UMOD: variants seen among roughly 807,000 people sequenced by gnomAD.
The protein encoded by UMOD is Tamm-Horsfall urinary glycoprotein.
A neutral mutation model predicts 66.0 loss-of-function variants in UMOD; 64 were observed. The ratio of observed to expected loss-of-function variants is 0.97; its 90% CI spans 0.79 to 1.19. UMOD has a LOEUF of 1.19. Ranked by LOEUF, UMOD falls within the 50% of genes most tolerant of loss-of-function variation. UMOD has a pLI of 0.00. For missense variants in UMOD, 764 were observed against 850.9 expected (o/e 0.90, Z 1.27); for synonymous variants, 398 against 352.7 (o/e 1.13, Z -1.44).
At chr16:20,342,989 G>T (rs1163512769) in intron 6 of UMOD, among the ~76,000 whole-genome samples, 1 of 152,130 alleles carries the variant, frequency 6.6e-6, no homozygotes, top group African/African-American at 2.4e-5. Context: ...ACTTAGCTGG[G>T]TGTGGTGGTG....
chr16:20,335,402 G>T, intron 10 of UMOD, 80 bp downstream of exon 10: 1 of 1,431,996 alleles, frequency 7.0e-7, no homozygotes, highest in Non-Finnish European at 9.8e-7. Flanking sequence ...GAGTTGCTAT[G>T]AAGCATTACA....
chr16:20,355,233 T>C (rs1966012396), upstream of UMOD, among the ~76,000 whole-genome samples: 1 of 152,114 alleles, frequency 6.6e-6, no homozygotes, highest in African/African-American at 2.4e-5. Context: ...CATAATTTCC[T>C]GCTCTGTTGC....
At chr16:20,342,871 T>C (rs1965312657) in intron 6 of UMOD, among the ~76,000 whole-genome samples, 1 of 152,306 alleles carries the variant, frequency 6.6e-6, no homozygotes, top group Admixed American at 6.5e-5. Context: ...GGCTCACACC[T>C]ATAATCCCAG....
upstream of UMOD, among the ~76,000 whole-genome samples, chr16:20,355,392 T>A (rs146319983): frequency 7.3e-4 from 110 of 151,214 alleles, 8 homozygotes; most frequent in East Asian, 7.2e-3. Flanking sequence ...CTTCTTTCTT[T>A]CTTTCTTTTT....
chr16:20,343,706 C>A (rs1965367050), intron 6 of UMOD, among the ~76,000 whole-genome samples: 1 of 152,148 alleles, frequency 6.6e-6, no homozygotes, highest in Admixed American at 6.5e-5. Flanking sequence ...AATATTGACA[C>A]CTAGAGAGGG....
chr16:20,337,052 G>A (rs966404963), intron 8 of UMOD, among the ~76,000 whole-genome samples: 1 of 152,160 alleles, frequency 6.6e-6, no homozygotes, highest in African/African-American at 2.4e-5. Context: ...GTCAGCTCCT[G>A]TTATTTGAAC....
chr16:20,347,426 A>T (rs1965650314), intron 4 of UMOD, among the ~76,000 whole-genome samples: 1 of 152,144 alleles, frequency 6.6e-6, no homozygotes, highest in Admixed American at 6.5e-5. Context: ...AAATTGAAGT[A>T]TTTTTCTAAT....
chr16:20,345,394 CTTTTTTTT>C (rs879393522), intron 5 of UMOD, among the ~76,000 whole-genome samples: 1 of 121,598 alleles, frequency 8.2e-6, no homozygotes, highest in African/African-American at 3.8e-5. Context: ...CCTTTCTTTT[CTTTTTTTT>C]TCTTTCTTTC....
intron 4 of UMOD, among the ~76,000 whole-genome samples, chr16:20,347,573 A>T (rs1965658283): frequency 6.6e-6 from 1 of 152,178 alleles, no homozygotes; most frequent in South Asian, 2.1e-4. Flanking sequence ...CTTGCCACAG[A>T]CAGATGAAGT....
intron 7 of UMOD, 88 bp downstream of exon 7, chr16:20,341,003 A>AG: frequency 7.0e-7 from 1 of 1,438,494 alleles, no homozygotes; most frequent in Non-Finnish European, 9.5e-7. Context: ...AAAAAAAAAA[A>AG]AAAAAAGATG....
At chr16:20,341,576 G>C (rs918458767) in intron 6 of UMOD, among the ~76,000 whole-genome samples, 19 of 152,180 alleles carry the variant, frequency 1.2e-4, no homozygotes, top group Admixed American at 1.3e-4. Context: ...TCAAGGTCCT[G>C]CATTTCTGAC....
chr16:20,335,684 C>T lies in UMOD; in HGVS notation c.1823-164G>A, dbSNP rs556881093. Among the ~76,000 whole-genome samples, 4 of 152,344 alleles carry T rather than the reference C, an allele frequency of 2.6e-5. No individual in the cohort carries two copies. The South Asian group carries it at 6.2e-4, about 24-fold the overall frequency. ...CCCTACTTCAGACCCATCAGGGGCT[C>T]TCACTGCTTTCAGGAGAAAGGTCCC... On this transcript the variant is annotated intron_variant, in intron 9 of 10. Coordinates refer to ENST00000396138, the MANE Select transcript of UMOD (RefSeq NM_003361.4).
Position 20,349,177 on chromosome 16 carries a change from T to A in UMOD, c.124A>T (p.Thr42Ser). The A allele has an allele frequency of 6.2e-7, 1 of 1,613,996 alleles. No homozygotes were observed. Among genetic ancestry groups the A allele is most frequent in the South Asian group, 1.1e-5 (1 of 91,058 alleles). Residue 42 changes from threonine to serine, a missense_variant, in exon 3 of 11, where the codon ACG becomes TCG. Physicochemically the swap from Thr to Ser is moderately conservative, Grantham distance 58. Transcript: ENST00000396138. The stretch of plus-strand genomic sequence containing the variant: ...CACGTCGTAACGGCCTCATCCTCCG[T>A]GCAGGTGGCATTGCTGTGACATTCA... ...CSECHSNATCTEDEAVTTCTC... is the reference protein window; with the variant it reads ...CSECHSNATCSEDEAVTTCTC...
intron 10 of UMOD, among the ~76,000 whole-genome samples, chr16:20,334,032 CAAAAAAAAAAAAA>C (rs575596167): frequency 1.8e-5 from 1 of 57,114 alleles, no homozygotes; most frequent in African/African-American, 6.4e-5. Context: ...GATTCCATCT[CAAAAAAAAAAAAA>C]AAAAAAAAAG....
At chr16:20,346,550 C>A (rs1325064110) in intron 4 of UMOD, among the ~76,000 whole-genome samples, 2 of 152,168 alleles carry the variant, frequency 1.3e-5, no homozygotes, top group Non-Finnish European at 2.9e-5. Flanking sequence ...GTCTTGGGTT[C>A]CCCTAAATGT....
At position 20,333,341 on chromosome 16, in the gene UMOD, C is replaced by T. The variant is rs752231443; in HGVS notation, c.1896G>A (p.Ser632=). 41 of 1,612,980 alleles carry T rather than the reference C, an allele frequency of 2.5e-5. No individual in the cohort carries two copies. Among genetic ancestry groups the T allele is most frequent in the East Asian group, 4.5e-5 (2 of 44,842 alleles). ...ACTGAAAAGTCAGGGTCAAGGTGGC[C>T]GAGAGAAGCAGAGGCAGCCAGACTT... ...LLKVWLPLLL[S]ATLTLTFQ The change falls in exon 11 of 11, where the codon TCG becomes TCA. Residue 632 remains serine, a synonymous_variant. Transcript: ENST00000396138.
At position 20,349,085 on chromosome 16, in the gene UMOD, A is replaced by G. The variant is rs755338365; in HGVS notation, c.216T>C (p.Pro72=). ...TCVDLDECAI[P]GAHNCSANSS... is the part of the protein sequence containing the mutation. Reference sequence around the variant, plus strand: ...TGTTGGCGGAGCAGTTGTGAGCTCCAGGAATGGCGCACTCATCCAGGTCCA... The same window carrying G: ...TGTTGGCGGAGCAGTTGTGAGCTCCGGGAATGGCGCACTCATCCAGGTCCA... The change falls in exon 3 of 11, where the codon CCT becomes CCC. Residue 72 remains proline (P), a synonymous_variant. Coordinates refer to ENST00000396138, the MANE Select transcript of UMOD (RefSeq NM_003361.4). 1.1e-5 allele frequency: 17 copies of G among 1,612,988 alleles called. No homozygotes were observed. In the South Asian group the frequency reaches 1.9e-4, roughly 18 times the overall value.
At position 20,335,429 on chromosome 16, in the gene UMOD, C is replaced by T. The variant is rs1964814746; in HGVS notation, c.1861+53G>A. 3 of 1,574,590 alleles carry T rather than the reference C, an allele frequency of 1.9e-6. No homozygotes were observed. The Admixed American group carries it at 5.0e-5, about 26-fold the overall frequency. On this transcript the variant is annotated intron_variant, in intron 10 of 10. Coordinates refer to ENST00000396138, the MANE Select transcript of UMOD (RefSeq NM_003361.4). ...AGCATTACAAGTTAACAGATAGAAG[C>T]CCCCCAGGAGAGTTCTGGAACAGGT...
chr16:20,339,041 G>A (rs917290616), intron 7 of UMOD, among the ~76,000 whole-genome samples: 6 of 152,280 alleles, frequency 3.9e-5, no homozygotes, highest in South Asian at 4.1e-4. Flanking sequence ...GATTACAGGC[G>A]TGAGCCATCG....
Sources: allele counts gnomAD v4.1 joint callset (sites outside exome capture counted in the v4.1 genomes callset), GRCh38; gene constraint gnomAD v4.1.1; transcripts MANE v1.5; gene names NCBI Gene and HGNC (gene_info 2026-07-23, HGNC 2026-07-21).